The following RBFOX2 variants were observed in gnomAD, a reference collection of about 807,000 sequenced individuals.
RBFOX2 encodes the protein RNA binding protein fox-1 homolog 2.
Under a neutral mutation model 49.1 loss-of-function variants are expected in RBFOX2, and 10 were observed. That is an observed-to-expected ratio of 0.20 (90% CI 0.13 to 0.35). The LOEUF (loss-of-function observed/expected upper bound fraction) is 0.35, where lower values mean the gene tolerates loss of function less well. RBFOX2 is among the 10% of genes least tolerant of loss of function. The pLI, the probability that RBFOX2 is intolerant of heterozygous loss-of-function variation, is 1.00. For synonymous variants in RBFOX2, 183 were observed against 187.4 expected, an observed-to-expected ratio of 0.98 and a Z score of 0.19; for missense variants, 323 against 486.9, an observed-to-expected ratio of 0.66 and a Z score of 3.17.
intron 1 of RBFOX2, among the ~76,000 whole-genome samples, chr22:35,880,241 C>T (rs2045707865): frequency 6.6e-6 from 1 of 151,802 alleles, no homozygotes; most frequent in Admixed American, 6.6e-5. Context: ...TTAACAGGAC[C>T]GCAGTGAGGG....
At chr22:35,745,203 T>C (rs987489706) in intron 11 of RBFOX2, among the ~76,000 whole-genome samples, 4 of 152,200 alleles carry the variant, frequency 2.6e-5, no homozygotes, top group Admixed American at 2.6e-4. Context: ...CCCAGTTGCA[T>C]TTTGGATTAG....
intron 5 of RBFOX2, among the ~76,000 whole-genome samples, chr22:35,767,043 T>C (rs929496466): frequency 6.6e-6 from 1 of 151,906 alleles, no homozygotes; most frequent in Non-Finnish European, 1.5e-5. Flanking sequence ...TAGGGAAGGA[T>C]GTAGGGGCAG....
chr22:35,973,475 T>C (rs1359474231), intron 1 of RBFOX2, among the ~76,000 whole-genome samples: 1 of 152,214 alleles, frequency 6.6e-6, no homozygotes, highest in East Asian at 1.9e-4. Context: ...GCCACCTTTA[T>C]ACCTATGGCA....
intron 6 of RBFOX2, among the ~76,000 whole-genome samples, chr22:35,761,740 A>C (rs1938963294): frequency 6.6e-6 from 1 of 152,126 alleles, no homozygotes; most frequent in Non-Finnish European, 1.5e-5. Flanking sequence ...AGAAAAAATA[A>C]ATAGAAATAA....
intron 1 of RBFOX2, among the ~76,000 whole-genome samples, chr22:36,022,999 C>T (rs1159575463): frequency 6.6e-6 from 1 of 151,906 alleles, no homozygotes; most frequent in Non-Finnish European, 1.5e-5. Context: ...AGCCCAAGGA[C>T]ACTGGGACAG....
chr22:36,012,915 C>T (rs1436501723), intron 1 of RBFOX2, among the ~76,000 whole-genome samples: 2 of 152,040 alleles, frequency 1.3e-5, no homozygotes, highest in African/African-American at 4.8e-5. Flanking sequence ...CAGGTGTCTG[C>T]CACTACGCCC....
intron 2 of RBFOX2, among the ~76,000 whole-genome samples, chr22:35,788,221 A>G (rs760128167): frequency 9.9e-5 from 15 of 152,234 alleles, no homozygotes; most frequent in South Asian, 2.1e-4. Flanking sequence ...ATGTTCTGTC[A>G]TAATCTAAAG....
At chr22:35,935,093 C>A (rs1373866737) in intron 1 of RBFOX2, among the ~76,000 whole-genome samples, 2 of 152,058 alleles carry the variant, frequency 1.3e-5, no homozygotes, top group South Asian at 2.1e-4. Flanking sequence ...CACCACTACA[C>A]CCGGCTGATT....
intron 1 of RBFOX2, among the ~76,000 whole-genome samples, chr22:36,000,777 A>C (rs942481750): frequency 6.6e-6 from 1 of 152,004 alleles, no homozygotes; most frequent in African/African-American, 2.4e-5. Context: ...ATTTGTTCAC[A>C]GTCCTGATTC....
At chr22:35,956,030 T>C (rs986960423) in intron 1 of RBFOX2, among the ~76,000 whole-genome samples, 3 of 152,230 alleles carry the variant, frequency 2.0e-5, no homozygotes, top group African/African-American at 7.2e-5. Flanking sequence ...TTTTTCATAC[T>C]GTTAATATAA....
chr22:35,860,461 CAAAT>C (rs1356116933), intron 1 of RBFOX2, among the ~76,000 whole-genome samples: 1 of 152,158 alleles, frequency 6.6e-6, no homozygotes, highest in African/African-American at 2.4e-5. Flanking sequence ...GAACTCTGAG[CAAAT>C]AAATGATTAA....
At chr22:35,866,993 T>C (rs1207529900) in intron 1 of RBFOX2, among the ~76,000 whole-genome samples, 1 of 152,126 alleles carries the variant, frequency 6.6e-6, no homozygotes, top group Non-Finnish European at 1.5e-5. Context: ...ATAACTGCAT[T>C]GTGGTTATGT....
chr22:35,808,727 T>C (rs900918458), intron 2 of RBFOX2, among the ~76,000 whole-genome samples: 1 of 152,072 alleles, frequency 6.6e-6, no homozygotes, highest in Non-Finnish European at 1.5e-5. Flanking sequence ...TGTGTGCTTG[T>C]AGTCCCAGCT....
chr22:35,945,275 T>C (rs2054150399), intron 1 of RBFOX2, among the ~76,000 whole-genome samples: 1 of 152,200 alleles, frequency 6.6e-6, no homozygotes, highest in Non-Finnish European at 1.5e-5. Flanking sequence ...TTGCTCAGGA[T>C]GTTTCACTAT....
rs531964235 is a variant in RBFOX2, at chr22:36,002,901, T to C, written c.186+25339A>G. On this transcript the variant is annotated intron_variant, in intron 1 of 13. Transcript: ENST00000438146. ...TTGGCCTCCCAAAGTGCTGGGATTATAGGCATGAGCCACCACGCCCAGCCC... is the reference window on the plus strand; with the variant it reads ...TTGGCCTCCCAAAGTGCTGGGATTACAGGCATGAGCCACCACGCCCAGCCC... Among the ~76,000 whole-genome samples the C allele has an allele frequency of 2.0e-5, 3 of 152,368 alleles. 1 individual carries two copies. The South Asian group carries it at 6.2e-4, about 32-fold the overall frequency.
rs568672964 is a variant in RBFOX2 at position 35,775,857 on chromosome 22, A to G, written c.453+2168T>C. Among the ~76,000 whole-genome samples, 170 of 150,458 alleles carry G rather than the reference A, an allele frequency of 1.1e-3. 2 individuals are homozygous for G. Among genetic ancestry groups the G allele is most frequent in the East Asian group, 5.4e-3 (28 of 5,166 alleles). Reference sequence around the variant, plus strand: ...AATCTGCCTCAAAAAAAAAAAAAAAAAAAAGAAAAGAAAAGAAAAGAAAAA... The same window carrying G: ...AATCTGCCTCAAAAAAAAAAAAAAAGAAAAGAAAAGAAAAGAAAAGAAAAA... On this transcript the variant is annotated intron_variant, in intron 4 of 11. Transcript: ENST00000405409.
chr22:35,980,325 C>T (rs1333291781), intron 1 of RBFOX2, among the ~76,000 whole-genome samples: 1 of 152,050 alleles, frequency 6.6e-6, no homozygotes, highest in Non-Finnish European at 1.5e-5. Flanking sequence ...GGTTTTCATC[C>T]TCAGAGATGT....
At chr22:35,806,337 A>G (rs1034657505) in intron 2 of RBFOX2, among the ~76,000 whole-genome samples, 2 of 152,174 alleles carry the variant, frequency 1.3e-5, no homozygotes, top group African/African-American at 4.8e-5. Context: ...GTTTAAAGTA[A>G]TAATTATAAT....
rs1195791286 is a variant in RBFOX2, at chr22:35,981,427, A to G, written c.187-42530T>C. Among the ~76,000 whole-genome samples, 4 of 152,186 alleles carry G rather than the reference A, an allele frequency of 2.6e-5. No individual in the cohort carries two copies. In the South Asian group the frequency reaches 8.3e-4, roughly 32 times the overall value. On this transcript the variant is annotated intron_variant, in intron 1 of 13. Transcript: ENST00000438146. ...GGAGGAAAGGTGGGCAGATCACTTG[A>G]GGCCAGGAGTTCGAGACCAGCCTGG...
Sources: gnomAD v4.1 joint callset for allele counts (sites outside exome capture counted in the v4.1 genomes callset) on GRCh38, gnomAD v4.1.1 for gene constraint, MANE v1.5 for transcripts, NCBI Gene and HGNC (gene_info 2026-07-23, HGNC 2026-07-21) for gene names.